The following CALN1 variants were observed in gnomAD, a reference collection of about 807,000 sequenced individuals.
The protein encoded by CALN1 is calcium-binding protein 8.
In CALN1, 17 loss-of-function variants were observed where a neutral mutation model predicts 30.6. The observed-to-expected ratio is 0.56, with a 90% CI of 0.38 to 0.83. CALN1 has a LOEUF of 0.83. CALN1 is among the 40% of genes least tolerant of loss of function. The pLI is 0.00. For synonymous variants in CALN1, 156 were observed against 131.4 expected (o/e 1.19, Z -1.28); for missense variants, 291 against 354.9 (o/e 0.82, Z 1.45).
the CALN1 span, among the ~76,000 whole-genome samples, chr7:72,502,237 G>A: frequency 6.7e-6 from 1 of 149,508 alleles, no homozygotes; most frequent in African/African-American, 2.4e-5. Flanking sequence ...TTGTGGGGCG[G>A]GGAGGAATTA....
chr7:72,102,951 T>C (rs182720160), intron 4 of CALN1, among the ~76,000 whole-genome samples: 1 of 151,726 alleles, frequency 6.6e-6, no homozygotes, highest in Non-Finnish European at 1.5e-5. Context: ...TGGGCACCTG[T>C]AGGCCCAGCT....
chr7:72,044,599 C>CTTTTTTTT (rs549079139), intron 4 of CALN1, among the ~76,000 whole-genome samples: 8 of 96,684 alleles, frequency 8.3e-5, no homozygotes, highest in South Asian at 4.1e-4. Context: ...CCGCTTAAAA[C>CTTTTTTTT]TTTTTTTTTT....
intron 5 of CALN1, among the ~76,000 whole-genome samples, chr7:71,924,243 A>T (rs4719189): frequency 3.2e-5 from 2 of 62,534 alleles, no homozygotes; most frequent in East Asian, 3.0e-4. Context: ...AGATCTTTTT[A>T]AAAAAGATTA....
intron 1 of CALN1, among the ~76,000 whole-genome samples, chr7:72,410,010 T>C (rs1280631111): frequency 2.0e-5 from 3 of 152,202 alleles, no homozygotes; most frequent in Non-Finnish European, 4.4e-5. Context: ...ACAAAAAGAA[T>C]TTATTTTTGT....
chr7:72,005,147 C>T (rs911409741), intron 5 of CALN1, among the ~76,000 whole-genome samples: 1 of 151,932 alleles, frequency 6.6e-6, no homozygotes, highest in Non-Finnish European at 1.5e-5. Context: ...GCTCTTTTAT[C>T]CTGGAGAAAT....
intron 3 of CALN1, among the ~76,000 whole-genome samples, chr7:72,257,315 G>A (rs972580160): frequency 6.6e-6 from 1 of 152,122 alleles, no homozygotes; most frequent in Non-Finnish European, 1.5e-5. Context: ...TGGGGATACA[G>A]CCAAACCATA....
At chr7:71,926,947 C>T (rs1230207237) in intron 5 of CALN1, among the ~76,000 whole-genome samples, 1 of 151,992 alleles carries the variant, frequency 6.6e-6, no homozygotes, top group African/African-American at 2.4e-5. Flanking sequence ...TTTAAATTTC[C>T]CGAGAGTTCA....
At chr7:72,407,486 T>C (rs1806782341) in intron 1 of CALN1, among the ~76,000 whole-genome samples, 1 of 152,180 alleles carries the variant, frequency 6.6e-6, no homozygotes, top group African/African-American at 2.4e-5. Flanking sequence ...TCTCATGAGA[T>C]CTGGTTGTTG....
intron 5 of CALN1, among the ~76,000 whole-genome samples, chr7:71,848,614 A>AAC (rs1200444562): frequency 2.6e-5 from 4 of 152,012 alleles, no homozygotes; most frequent in African/African-American, 4.8e-5. Flanking sequence ...TTCTCAATGA[A>AAC]ACACACACAC....
intron 5 of CALN1, among the ~76,000 whole-genome samples, chr7:71,812,485 A>C (rs186353853): frequency 6.6e-6 from 1 of 152,284 alleles, no homozygotes; most frequent in East Asian, 1.9e-4. Context: ...GCAGATATTG[A>C]ATCCGAGTCC....
intron 2 of CALN1, among the ~76,000 whole-genome samples, chr7:72,290,079 TAAAAAAAAAAAAAAAAAAAAAAAA>T (rs60416266): frequency 3.1e-3 from 99 of 32,116 alleles, no homozygotes; most frequent in South Asian, 0.026. Flanking sequence ...GACCCTGTCT[TAAAAAAAAAAAAAAAAAAAAAAAA>T]AAAAAAAAAA....
At chr7:72,330,122 G>A (rs549689796) in intron 2 of CALN1, among the ~76,000 whole-genome samples, 4 of 151,866 alleles carry the variant, frequency 2.6e-5, no homozygotes, top group East Asian at 1.9e-4. Flanking sequence ...GTGAAACCCC[G>A]TCTCTACTAA....
chr7:72,331,726 T>C (rs188168389), intron 2 of CALN1, among the ~76,000 whole-genome samples: 5 of 152,312 alleles, frequency 3.3e-5, no homozygotes, highest in African/African-American at 9.6e-5. Context: ...CAGAGGTACA[T>C]GTGCAGGATG....
intron 2 of CALN1, among the ~76,000 whole-genome samples, chr7:72,356,110 A>T (rs1803207750): frequency 6.6e-6 from 1 of 152,194 alleles, no homozygotes; most frequent in African/African-American, 2.4e-5. Context: ...ATGCACAATT[A>T]TTCTGTGTTC....
chr7:72,023,629 T>TA (rs1387624492), intron 5 of CALN1, 28 bp downstream of exon 5: 8 of 1,556,608 alleles, frequency 5.1e-6, no homozygotes, highest in Non-Finnish European at 7.1e-6. Flanking sequence ...CTGTCAAACT[T>TA]AGTCTGAAAA....
intron 2 of CALN1, among the ~76,000 whole-genome samples, chr7:72,302,201 G>C (rs1799317256): frequency 6.6e-6 from 1 of 152,224 alleles, no homozygotes; most frequent in South Asian, 2.1e-4. Context: ...AATTCCCAGA[G>C]CGGATGAGAT....
rs1267186877 is a variant in CALN1, at chr7:71,779,939, G to A, written c.*7836C>T. On this transcript the variant is annotated 3_prime_UTR_variant, in exon 7 of 7. Coordinates refer to ENST00000395275, the MANE Select transcript of CALN1 (RefSeq NM_031468.4). ...GCTTCTATTTACACCCAACATATTG[G>A]GGGCAATATACAAAATACAGTCATT... 1 of 152,068 alleles carries A rather than the reference G, an allele frequency of 6.6e-6. No individual in the cohort carries two copies. The highest frequency in any genetic ancestry group is 1.5e-5 in the Non-Finnish European group (1 of 68,028). 9.4% of individuals were successfully genotyped at this position (152,068 alleles called of 1,614,324 possible).
In CALN1 at chr7:71,916,905, G is replaced by A. The variant is rs117644491; in HGVS notation, c.502-106413C>T. ...CCTGGGCCACAGACAGTCTTCTGAC[G>A]TGGTACCATCATGTTGTCTGAGGAC... On this transcript the variant is annotated intron_variant, in intron 5 of 6. Coordinates refer to ENST00000395275, the MANE Select transcript of CALN1 (RefSeq NM_031468.4). Among the ~76,000 whole-genome samples, 20 of 152,308 alleles carry A rather than the reference G, an allele frequency of 1.3e-4. No individual in the cohort carries two copies. In the East Asian group the frequency reaches 3.3e-3, roughly 25 times the overall value.
intron 3 of CALN1, among the ~76,000 whole-genome samples, chr7:72,163,336 G>C (rs1206656959): frequency 7.2e-6 from 1 of 139,362 alleles, no homozygotes; most frequent in African/African-American, 2.7e-5. Flanking sequence ...GCATAATTAA[G>C]ATTCTTTACA....
Sources: allele counts gnomAD v4.1 joint callset (sites outside exome capture counted in the v4.1 genomes callset), GRCh38; gene constraint gnomAD v4.1.1; transcripts MANE v1.5; gene names NCBI Gene and HGNC (gene_info 2026-07-23, HGNC 2026-07-21).